The following UVRAG variants were observed in gnomAD, a reference collection of about 807,000 sequenced individuals.
UVRAG encodes UV radiation resistance-associated gene protein.
Under a neutral mutation model 78.0 loss-of-function variants are expected in UVRAG, and 19 were observed. That is an observed-to-expected ratio of 0.24 (90% CI 0.17 to 0.36). The LOEUF is 0.36. Among genes scored for constraint, UVRAG ranks in the 10% least tolerant of loss-of-function variants. The pLI is 1.00. For synonymous variants in UVRAG, 323 were observed against 324.6 expected (o/e 1.00, Z 0.05); for missense variants, 740 against 853.8 (o/e 0.87, Z 1.66).
At chr11:76,047,739 A>T (rs1950787555) in intron 12 of UVRAG, among the ~76,000 whole-genome samples, 2 of 152,214 alleles carry the variant, frequency 1.3e-5, no homozygotes, top group South Asian at 4.1e-4. Flanking sequence ...AGAGTAATAT[A>T]GGACACATCT....
At chr11:76,116,121 G>A (rs1057497283) in intron 14 of UVRAG, 106 bp downstream of exon 14, 2 of 1,069,256 alleles carry the variant, frequency 1.9e-6, no homozygotes, top group Admixed American at 2.2e-5. Flanking sequence ...GTTTTCTTCT[G>A]TAATGAGATA....
chr11:75,935,916 T>G (rs1326926375), intron 6 of UVRAG, among the ~76,000 whole-genome samples: 3 of 152,204 alleles, frequency 2.0e-5, no homozygotes, highest in Non-Finnish European at 4.4e-5. Context: ...CCTTTATAAC[T>G]AAAGGATTCC....
chr11:75,945,916 C>T (rs1948579059), intron 6 of UVRAG, among the ~76,000 whole-genome samples: 1 of 152,070 alleles, frequency 6.6e-6, no homozygotes, highest in Non-Finnish European at 1.5e-5. Flanking sequence ...ACTTTTGCTT[C>T]CACTTGACCC....
At chr11:75,904,569 G>A (rs1242792086) in intron 5 of UVRAG, among the ~76,000 whole-genome samples, 1 of 152,174 alleles carries the variant, frequency 6.6e-6, no homozygotes, top group African/African-American at 2.4e-5. Flanking sequence ...TGCCTTAAAT[G>A]TACATGGACT....
chr11:76,020,361 C>T (rs1026111875), intron 12 of UVRAG, among the ~76,000 whole-genome samples: 1 of 152,128 alleles, frequency 6.6e-6, no homozygotes, highest in Admixed American at 6.5e-5. Flanking sequence ...AACAGCACAT[C>T]TCAGAGTCTC....
chr11:76,013,205 T>C (rs900392946), intron 11 of UVRAG: 21 of 152,220 alleles, frequency 1.4e-4, no homozygotes, highest in African/African-American at 4.8e-4. Flanking sequence ...TATAATGTTA[T>C]GGCCATTGCG....
intron 6 of UVRAG, among the ~76,000 whole-genome samples, chr11:75,959,062 T>C (rs536110045): frequency 6.6e-6 from 1 of 152,338 alleles, no homozygotes; most frequent in South Asian, 2.1e-4. Flanking sequence ...CAGGCTTTGA[T>C]GTACCATTTA....
intron 3 of UVRAG, among the ~76,000 whole-genome samples, chr11:75,868,760 A>G (rs1946586877): frequency 6.6e-6 from 1 of 152,244 alleles, no homozygotes; most frequent in African/African-American, 2.4e-5. Context: ...TCATGTTTAT[A>G]AAAGAGATTA....
chr11:75,926,677 T>C (rs1431379243), intron 6 of UVRAG, among the ~76,000 whole-genome samples: 1 of 152,168 alleles, frequency 6.6e-6, no homozygotes, highest in East Asian at 1.9e-4. Flanking sequence ...ATTTGGAGTA[T>C]TCTGTTTAAT....
At chr11:76,137,717 GAT>G in intron 14 of UVRAG, 2 of 305,914 alleles carry the variant, frequency 6.5e-6, no homozygotes, top group Non-Finnish European at 6.5e-6. Context: ...TGTGCAAGAT[GAT>G]GAGATCCTGT....
intron 5 of UVRAG, among the ~76,000 whole-genome samples, chr11:75,904,231 A>T (rs1431823144): frequency 1.3e-5 from 2 of 152,190 alleles, no homozygotes; most frequent in African/African-American, 4.8e-5. Context: ...TGGATATGTT[A>T]AATTATCTAT....
At chr11:76,009,696 C>A (rs894909831) in intron 11 of UVRAG, among the ~76,000 whole-genome samples, 1 of 152,070 alleles carries the variant, frequency 6.6e-6, no homozygotes, top group African/African-American at 2.4e-5. Context: ...TGTTTTGTTA[C>A]CCTGTTGGGC....
intron 12 of UVRAG, among the ~76,000 whole-genome samples, chr11:76,018,877 A>G (rs1950193767): frequency 6.6e-6 from 1 of 151,938 alleles, no homozygotes; most frequent in Admixed American, 6.6e-5. Context: ...TTGAATATTG[A>G]TATTTTTTCC....
intron 12 of UVRAG, among the ~76,000 whole-genome samples, chr11:76,060,642 C>T (rs987751483): frequency 6.6e-6 from 1 of 152,172 alleles, no homozygotes; most frequent in Non-Finnish European, 1.5e-5. Flanking sequence ...GTGGGTTTGG[C>T]GGCCCCGCAC....
intron 5 of UVRAG, chr11:75,911,388 C>A: frequency 6.3e-6 from 1 of 159,030 alleles, no homozygotes; most frequent in South Asian, 1.7e-4. Context: ...TCCTGGGTCC[C>A]TGTGCTCTCA....
At chr11:75,847,013 TG>T (rs1946048983) in intron 1 of UVRAG, among the ~76,000 whole-genome samples, 1 of 146,690 alleles carries the variant, frequency 6.8e-6, no homozygotes, top group African/African-American at 2.5e-5. Context: ...TTAGTAGAGA[TG>T]GGGTTTTGCC....
chr11:76,093,240 A>G lies in UVRAG; in HGVS notation c.1306-22684A>G, dbSNP rs565236407. 4.7e-4 allele frequency among the ~76,000 whole-genome samples: 72 copies of G among 152,170 alleles called. No individual in the cohort carries two copies. The South Asian group carries it at 7.3e-3, about 15-fold the overall frequency. ...ACCATGCTGTTTTGGTACCAGTACC[A>G]TGCTGTTTTGGTTACTGTAGCCTTG... On this transcript the variant is annotated intron_variant, in intron 13 of 14. Transcript: ENST00000356136.
intron 6 of UVRAG, among the ~76,000 whole-genome samples, chr11:75,947,264 C>T (rs1948603687): frequency 6.6e-6 from 1 of 152,100 alleles, no homozygotes; most frequent in Admixed American, 6.6e-5. Context: ...TGATACGTGA[C>T]CTTAATTATA....
intron 14 of UVRAG, among the ~76,000 whole-genome samples, chr11:76,131,690 T>C (rs963376550): frequency 6.6e-6 from 1 of 152,224 alleles, no homozygotes; most frequent in Non-Finnish European, 1.5e-5. Flanking sequence ...TTTATTTTGT[T>C]TCATGTTTTT....
Sources: allele counts gnomAD v4.1 joint callset (sites outside exome capture counted in the v4.1 genomes callset), GRCh38; gene constraint gnomAD v4.1.1; transcripts MANE v1.5; gene names NCBI Gene and HGNC (gene_info 2026-07-23, HGNC 2026-07-21).